Variants in EXOC4 observed in about 807,000 individuals in gnomAD.
EXOC4 encodes exocyst complex component 4.
Under a neutral mutation model 107.2 loss-of-function variants are expected in EXOC4, and 71 were observed. The ratio of observed to expected loss-of-function variants is 0.66; its 90% CI spans 0.55 to 0.81. The LOEUF is 0.81. Ranked by LOEUF, EXOC4 falls within the 30% of genes least tolerant of loss-of-function variation. The pLI is 0.00. For synonymous variants in EXOC4, 456 were observed against 441.2 expected, an observed-to-expected ratio of 1.03 and a Z score of -0.42; for missense variants, 1,108 against 1,189.6, an observed-to-expected ratio of 0.93 and a Z score of 1.01.
chr7:133,673,558 C>G (rs906981384), intron 10 of EXOC4, among the ~76,000 whole-genome samples: 1 of 152,144 alleles, frequency 6.6e-6, no homozygotes, highest in Non-Finnish European at 1.5e-5. Flanking sequence ...TCTAACATGT[C>G]TGCATTTGGA....
At chr7:133,992,283 T>A (rs1289052843) in intron 14 of EXOC4, among the ~76,000 whole-genome samples, 3 of 124 alleles carry the variant, frequency 0.024, no homozygotes, top group Non-Finnish European at 0.047. Context: ...GATTTTTGTT[T>A]TGTTTGTTTG....
intron 9 of EXOC4, among the ~76,000 whole-genome samples, chr7:133,566,623 A>C (rs931206344): frequency 1.8e-4 from 28 of 152,184 alleles, no homozygotes; most frequent in Non-Finnish European, 4.1e-4. Flanking sequence ...GAAGGTACAT[A>C]TTAGAACTTG....
intron 5 of EXOC4, among the ~76,000 whole-genome samples, chr7:133,345,342 T>C (rs1043990155): frequency 1.2e-4 from 19 of 152,212 alleles, no homozygotes; most frequent in African/African-American, 4.6e-4. Flanking sequence ...GCTCTTGTTC[T>C]TTCCACTACA....
At chr7:133,874,843 A>G (rs1585214778) in intron 11 of EXOC4, among the ~76,000 whole-genome samples, 1 of 152,246 alleles carries the variant, frequency 6.6e-6, no homozygotes, top group East Asian at 1.9e-4. Context: ...CTCCTGCTGA[A>G]TAGACCTCAC....
intron 10 of EXOC4, among the ~76,000 whole-genome samples, chr7:133,677,227 G>C (rs1585072419): frequency 6.6e-6 from 1 of 151,958 alleles, no homozygotes; most frequent in East Asian, 1.9e-4. Context: ...CTTTGTTACC[G>C]TTAAGATGTA....
At chr7:133,968,274 A>G (rs916925259) in intron 14 of EXOC4, among the ~76,000 whole-genome samples, 26 of 152,250 alleles carry the variant, frequency 1.7e-4, no homozygotes, top group Admixed American at 3.9e-4. Flanking sequence ...CAGCACACCA[A>G]TGGGTCTTGA....
At chr7:133,619,933 T>C (rs529299062) in intron 9 of EXOC4, among the ~76,000 whole-genome samples, 1 of 152,166 alleles carries the variant, frequency 6.6e-6, no homozygotes, top group South Asian at 2.1e-4. Context: ...GAAGAAAATA[T>C]TAATACTTTC....
At chr7:133,575,615 C>G (rs542020836) in intron 9 of EXOC4, among the ~76,000 whole-genome samples, 1 of 152,230 alleles carries the variant, frequency 6.6e-6, no homozygotes, top group East Asian at 1.9e-4. Flanking sequence ...CCGAAGAGAA[C>G]CAGTTCTGGT....
chr7:134,091,313 C>T, the EXOC4 span, among the ~76,000 whole-genome samples: 4 of 152,162 alleles, frequency 2.6e-5, no homozygotes, highest in Non-Finnish European at 4.4e-5. Flanking sequence ...TCATGCCTCC[C>T]CTTTTTAGAC....
intron 4 of EXOC4, 144 bp downstream of exon 4, chr7:133,306,205 C>A: frequency 1.6e-6 from 1 of 625,690 alleles, no homozygotes; most frequent in Non-Finnish European, 2.7e-6. Context: ...TTTATAATAG[C>A]AAATACTCCA....
intron 4 of EXOC4, 123 bp from the exon 5 acceptor site, chr7:133,317,157 GGGGA>G: frequency 1.5e-6 from 1 of 669,046 alleles, no homozygotes; most frequent in Non-Finnish European, 2.7e-6. Context: ...AGTATATACT[GGGGA>G]GATCCAGTTC....
At chr7:133,938,271 G>A (rs532934024) in intron 14 of EXOC4, among the ~76,000 whole-genome samples, 3 of 152,274 alleles carry the variant, frequency 2.0e-5, no homozygotes, top group Admixed American at 1.3e-4. Flanking sequence ...TCCCTGTGTG[G>A]AATGTGGGAA....
intron 10 of EXOC4, among the ~76,000 whole-genome samples, chr7:133,766,830 A>G (rs1796147485): frequency 6.6e-6 from 1 of 151,972 alleles, no homozygotes; most frequent in Non-Finnish European, 1.5e-5. Flanking sequence ...CCAGATACTT[A>G]GTATATGTGT....
intron 5 of EXOC4, among the ~76,000 whole-genome samples, chr7:133,320,036 A>T (rs1363925804): frequency 6.6e-6 from 1 of 152,120 alleles, no homozygotes; most frequent in African/African-American, 2.4e-5. Context: ...CATTTTACAG[A>T]TGAGAAAACT....
In EXOC4 at chr7:133,929,477, GAA is replaced by G. The variant is rs10714515; in HGVS notation, c.2028-8405_2028-8404del. Reference sequence around the variant, plus strand: ...CTGTCATTCTAACACTTCTATCCCAGAAAAAAAAAATGGATCATCTTAAGCCA... The same window carrying G: ...CTGTCATTCTAACACTTCTATCCCAGAAAAAAAATGGATCATCTTAAGCCA... On this transcript the variant is annotated intron_variant, in intron 13 of 17. Transcript: ENST00000253861. 2.4e-3 allele frequency among the ~76,000 whole-genome samples: 366 copies of G among 150,570 alleles called. 5 individuals are homozygous for G. The highest frequency in any genetic ancestry group is 8.3e-3 in the African/African-American group (341 of 41,274).
intron 5 of EXOC4, among the ~76,000 whole-genome samples, chr7:133,320,985 A>T (rs1268058213): frequency 3.9e-5 from 6 of 152,176 alleles, no homozygotes; most frequent in African/African-American, 1.4e-4. Flanking sequence ...GTCAGCCTAG[A>T]AAGTAATAGC....
At chr7:133,824,909 A>T (rs1797663687) in intron 11 of EXOC4, among the ~76,000 whole-genome samples, 2 of 152,218 alleles carry the variant, frequency 1.3e-5, no homozygotes, top group African/African-American at 4.8e-5. Flanking sequence ...ACATCTAAAA[A>T]GATTTCCAAG....
chr7:133,926,693 G>T (rs1000683817), intron 13 of EXOC4, among the ~76,000 whole-genome samples: 2 of 152,130 alleles, frequency 1.3e-5, no homozygotes, highest in African/African-American at 4.8e-5. Flanking sequence ...ACATAAAAAT[G>T]ATATAAAATA....
At chr7:133,468,776 A>T (rs1008098283) in intron 7 of EXOC4, among the ~76,000 whole-genome samples, 2 of 152,056 alleles carry the variant, frequency 1.3e-5, no homozygotes, top group Admixed American at 1.3e-4. Flanking sequence ...GCTGAATTTG[A>T]TTCCCCTCTA....
Sources: allele counts gnomAD v4.1 joint callset (sites outside exome capture counted in the v4.1 genomes callset), GRCh38; gene constraint gnomAD v4.1.1; transcripts MANE v1.5; gene names NCBI Gene and HGNC (gene_info 2026-07-23, HGNC 2026-07-21).